Variants in OSBPL3 observed in about 807,000 individuals in gnomAD.
OSBPL3 encodes oxysterol-binding protein-related protein 3.
A neutral mutation model predicts 120.1 loss-of-function variants in OSBPL3; 65 were observed. That is an observed-to-expected ratio of 0.54 (90% CI 0.44 to 0.67). The LOEUF (loss-of-function observed/expected upper bound fraction) is 0.67. Ranked by LOEUF, OSBPL3 falls within the 30% of genes least tolerant of loss-of-function variation. The pLI is 0.00. For synonymous variants in OSBPL3, 416 were observed against 402.6 expected, an observed-to-expected ratio of 1.03 and a Z score of -0.40; for missense variants, 1,004 against 1,082.1, an observed-to-expected ratio of 0.93 and a Z score of 1.01.
At chr7:24,809,204 A>C (rs762344132) in intron 20 of OSBPL3, among the ~76,000 whole-genome samples, 51 of 152,224 alleles carry the variant, frequency 3.4e-4, no homozygotes, top group Non-Finnish European at 5.0e-4. Flanking sequence ...AATGGTTTAC[A>C]ATATGACTGT....
chr7:24,842,924 G>GGT (rs1487477187), intron 12 of OSBPL3, among the ~76,000 whole-genome samples: 1 of 152,186 alleles, frequency 6.6e-6, no homozygotes, highest in Non-Finnish European at 1.5e-5. Flanking sequence ...GAAGCACCCT[G>GGT]GTGGCAGATC....
rs1383761901 is a variant in OSBPL3 at position 24,863,786 on chromosome 7, C to A, written c.674-187G>T. Among the ~76,000 whole-genome samples, 2 of 152,050 alleles carry A rather than the reference C, an allele frequency of 1.3e-5. No individual in the cohort carries two copies. The highest frequency in any genetic ancestry group is 2.9e-5 in the Non-Finnish European group (2 of 68,010). ...GACTCTAGTGGTTAAGGGCATGAAT[C>A]TTGAGAACCAGGCTGCTTCAGTTTG... is the stretch of plus-strand genomic sequence containing the variant. On this transcript the variant is annotated intron_variant, in intron 7 of 22. Coordinates refer to ENST00000313367, the MANE Select transcript of OSBPL3 (RefSeq NM_015550.4). This position sits in a 1 kb window ranked among gnomAD's most constrained non-coding sequence, Gnocchi z 5.8.
chr7:24,833,892 C>A lies in OSBPL3; in HGVS notation c.1746+594G>T, dbSNP rs1275550064. 2.3e-4 allele frequency among the ~76,000 whole-genome samples: 35 copies of A among 152,122 alleles called. No homozygotes were observed. The highest frequency in any genetic ancestry group is 1.5e-5 in the Non-Finnish European group (1 of 68,028). On this transcript the variant is annotated intron_variant, in intron 15 of 22. Coordinates refer to ENST00000313367, the MANE Select transcript of OSBPL3 (RefSeq NM_015550.4). The surrounding 1 kb of genome is among the most constrained non-coding windows in gnomAD (Gnocchi z 4.4). ...CCTTTTAAAAGCCAGCATGCTGTGA[C>A]TGGAGCTGATGCCCAGTAGGGAAGA... is the stretch of plus-strand genomic sequence containing the variant.
chr7:24,919,702 G>A (rs1810151941), intron 1 of OSBPL3, among the ~76,000 whole-genome samples: 1 of 150,200 alleles, frequency 6.7e-6, no homozygotes, highest in African/African-American at 2.5e-5. Flanking sequence ...ACTTCAAAGG[G>A]CAATATCAAG....
At chr7:24,816,770 T>A (rs1794525558) in intron 17 of OSBPL3, 82 bp from the exon 18 acceptor site, 4 of 884,604 alleles carry the variant, frequency 4.5e-6, no homozygotes, top group Non-Finnish European at 7.7e-6. Flanking sequence ...AAATGATCAA[T>A]CGCTATATAG....
Position 24,811,792 on chromosome 7 carries a change from A to G in OSBPL3, c.2173-1841T>C, listed in dbSNP as rs2128120172. On this transcript the variant is annotated intron_variant, in intron 19 of 22. Transcript: ENST00000313367. Reference sequence around the variant, plus strand: ...ATTGTGAGTTCTTGGCACTTTGTCAAAAACCAATTAATTATAAATGCATGG... The same window carrying G: ...ATTGTGAGTTCTTGGCACTTTGTCAGAAACCAATTAATTATAAATGCATGG... Among the ~76,000 whole-genome samples, 3 of 152,356 alleles carry G rather than the reference A, an allele frequency of 2.0e-5. No homozygotes were observed. In the South Asian group the frequency reaches 6.2e-4, roughly 32 times the overall value.
chr7:24,929,083 C>A (rs183039320), intron 1 of OSBPL3, among the ~76,000 whole-genome samples: 5 of 152,286 alleles, frequency 3.3e-5, no homozygotes. Context: ...AGTAGCTGCA[C>A]CTCTTTATAC....
rs56241015 is a variant in OSBPL3, at chr7:24,894,505, G to GA, written c.-149-1885dup. 9.3e-5 allele frequency among the ~76,000 whole-genome samples: 14 copies of GA among 150,114 alleles called. No individual in the cohort carries two copies. The highest frequency in any genetic ancestry group is 1.5e-4 in the Non-Finnish European group (10 of 67,546). ...GTGTTGGCTGTTGCTGTTTGAGAAA[G>GA]AAAAAAAAAAAATCAAAAACCTGGT... On this transcript the variant is annotated intron_variant, in intron 1 of 22. Transcript: ENST00000313367. This position sits in a 1 kb window ranked among gnomAD's most constrained non-coding sequence, Gnocchi z 4.1.
At chr7:24,914,699 A>G (rs1203983320) in intron 1 of OSBPL3, among the ~76,000 whole-genome samples, 1 of 152,120 alleles carries the variant, frequency 6.6e-6, no homozygotes, top group Non-Finnish European at 1.5e-5. Context: ...CATCTGGGCA[A>G]TTTTCTTTCC....
chr7:24,909,386 G>A (rs1808438141), intron 1 of OSBPL3, among the ~76,000 whole-genome samples: 1 of 152,160 alleles, frequency 6.6e-6, no homozygotes, highest in Non-Finnish European at 1.5e-5. Flanking sequence ...AGATACACAT[G>A]TTCCCTGCCC....
chr7:24,927,300 T>TG (rs1453818923), intron 1 of OSBPL3, among the ~76,000 whole-genome samples: 1 of 152,218 alleles, frequency 6.6e-6, no homozygotes, highest in African/African-American at 2.4e-5. Flanking sequence ...GGTACAAGCT[T>TG]GCAGGCCTTA....
In OSBPL3 at chr7:24,831,831, G is replaced by A. The variant is rs990358903; in HGVS notation, c.1747-926C>T. ...TCACATAACCTTCTGCTAAATTTTT[G>A]ATGTTGCCTGTAATAGGGACCACCT... On this transcript the variant is annotated intron_variant, in intron 15 of 22. Transcript: ENST00000313367. This position sits in a 1 kb window ranked among gnomAD's most constrained non-coding sequence, Gnocchi z 4.0. Among the ~76,000 whole-genome samples, 3 of 152,144 alleles carry A rather than the reference G, an allele frequency of 2.0e-5. No individual in the cohort carries two copies. The highest frequency in any genetic ancestry group is 4.8e-5 in the African/African-American group (2 of 41,430).
chr7:24,869,571 G>A (rs1801821601), intron 5 of OSBPL3, among the ~76,000 whole-genome samples: 1 of 152,172 alleles, frequency 6.6e-6, no homozygotes, highest in Admixed American at 6.5e-5. Context: ...GATGCCACTG[G>A]CATCTAGAGA....
intron 10 of OSBPL3, among the ~76,000 whole-genome samples, chr7:24,856,897 T>G (rs971123746): frequency 6.6e-6 from 1 of 152,214 alleles, no homozygotes. Flanking sequence ...TAAAATTCTT[T>G]TTAACCCATA....
intron 1 of OSBPL3, among the ~76,000 whole-genome samples, chr7:24,925,780 G>T (rs1810972791): frequency 6.6e-6 from 1 of 152,212 alleles, no homozygotes; most frequent in Non-Finnish European, 1.5e-5. Context: ...TTCAAAGCAA[G>T]CTTTCTCCTT....
At chr7:24,836,891 G>C (rs1272284594) in intron 14 of OSBPL3, among the ~76,000 whole-genome samples, 22 of 152,150 alleles carry the variant, frequency 1.4e-4, no homozygotes. Flanking sequence ...CTGGAGTACA[G>C]TGGCATAATC....
chr7:24,821,129 GT>G lies in OSBPL3; in HGVS notation c.1885-892del, dbSNP rs1313577487. 6.6e-6 allele frequency among the ~76,000 whole-genome samples: 1 copy of G among 152,208 alleles called. No homozygotes were observed. Among genetic ancestry groups the G allele is most frequent in the Non-Finnish European group, 1.5e-5 (1 of 68,036 alleles). ...AAACCACAGTAATGCTGCCAAGGGT[GT>G]TTCCAGAAAGTTCTCTGATGTAGCT... On this transcript the variant is annotated intron_variant, in intron 16 of 22. Transcript: ENST00000313367. This position sits in a 1 kb window ranked among gnomAD's most constrained non-coding sequence, Gnocchi z 5.5.
At chr7:24,949,852 G>A (rs899902984) in intron 1 of OSBPL3, among the ~76,000 whole-genome samples, 1 of 152,068 alleles carries the variant, frequency 6.6e-6, no homozygotes, top group African/African-American at 2.4e-5. Context: ...CTCCCTCAGC[G>A]CTGCTTCCTA....
rs970107230 is a variant in OSBPL3, at chr7:24,954,289, G to T, written c.-150+25597C>A. On this transcript the variant is annotated intron_variant, in intron 1 of 22. Transcript: ENST00000313367. ...TGAAGTTATTTATTCTCTGCACCAA[G>T]AGAGGCTTACTTTTTAATCCTTTCT... 5.9e-5 allele frequency among the ~76,000 whole-genome samples: 9 copies of T among 152,266 alleles called. No homozygotes were observed. The East Asian group carries it at 1.5e-3, about 26-fold the overall frequency.
Sources: allele counts gnomAD v4.1 joint callset (sites outside exome capture counted in the v4.1 genomes callset), GRCh38; gene constraint gnomAD v4.1.1; non-coding constraint Gnocchi (gnomAD v3.1); transcripts MANE v1.5; gene names NCBI Gene and HGNC (gene_info 2026-07-23, HGNC 2026-07-21).